The following PRKD2 variants were observed in gnomAD, a reference collection of about 807,000 sequenced individuals.
The protein encoded by PRKD2 is protein kinase D2.
A neutral mutation model predicts 86.0 loss-of-function variants in PRKD2; 22 were observed. The ratio of observed to expected loss-of-function variants is 0.26; its 90% CI spans 0.18 to 0.37. The LOEUF is 0.37. Among genes scored for constraint, PRKD2 ranks in the 10% least tolerant of loss-of-function variants. The pLI is 1.00. For synonymous variants in PRKD2, 509 were observed against 510.9 expected (o/e 1.00, Z 0.05); for missense variants, 818 against 1,199.2 (o/e 0.68, Z 4.70).
At chr19:46,697,354 C>A (rs182489556) in intron 8 of PRKD2, 120 bp from the exon 9 acceptor site, 2 of 720,830 alleles carry the variant, frequency 2.8e-6, no homozygotes, top group Non-Finnish European at 4.7e-6. Context: ...AACTCTAGCA[C>A]CTACCCCACG....
At chr19:46,715,036 A>T (rs1165788433) in intron 1 of PRKD2, among the ~76,000 whole-genome samples, 2 of 152,196 alleles carry the variant, frequency 1.3e-5, no homozygotes, top group African/African-American at 2.4e-5. Flanking sequence ...CAGGAGTCTG[A>T]AAAGATTCTG....
intron 12 of PRKD2, 71 bp from the exon 13 acceptor site, chr19:46,690,777 C>T (rs1300023851): frequency 4.0e-6 from 5 of 1,260,710 alleles, no homozygotes; most frequent in East Asian, 2.4e-5. Flanking sequence ...GTATCTCCAC[C>T]TCTGCCAACC....
intron 15 of PRKD2, among the ~76,000 whole-genome samples, chr19:46,680,563 A>C (rs2053282877): frequency 6.6e-6 from 1 of 152,144 alleles, no homozygotes; most frequent in Admixed American, 6.6e-5. Context: ...TGCTGGGATT[A>C]TAGGCATGAG....
intron 17 of PRKD2, 54 bp downstream of exon 17, chr19:46,674,979 C>T (rs1490186571): frequency 4.0e-6 from 6 of 1,493,188 alleles, no homozygotes; most frequent in African/African-American, 2.8e-5. Context: ...AAGCGATCTA[C>T]TCCCACCCCT....
In PRKD2 at chr19:46,678,701, G is replaced by T. The variant is rs760478401; in HGVS notation, c.2071-38C>A. 1 of 1,579,770 alleles carries T rather than the reference G, an allele frequency of 6.3e-7. No homozygotes were observed. Among genetic ancestry groups the T allele is most frequent in the Non-Finnish European group, 8.6e-7 (1 of 1,166,594 alleles). On this transcript the variant is annotated intron_variant, in intron 15 of 17. Transcript: ENST00000291281. This position sits in a 1 kb window ranked among gnomAD's most constrained non-coding sequence, Gnocchi z 5.7. ...AGGGATGGAGGCTCCACCAGGTGAT[G>T]GAGCCGCACCCACCCCAGCATCCCC...
intron 14 of PRKD2, among the ~76,000 whole-genome samples, chr19:46,684,808 C>G (rs1483895895): frequency 6.6e-6 from 1 of 151,602 alleles, no homozygotes; most frequent in African/African-American, 2.4e-5. Flanking sequence ...ACTAAAAATA[C>G]AAAAATCAGC....
Position 46,710,993 on chromosome 19 carries a change from G to A in PRKD2, c.425C>T (p.Thr142Met), listed in dbSNP as rs2053799540. Residue 142 changes from threonine to methionine, a missense_variant, in exon 3 of 18, where the codon ACG becomes ATG. Coordinates refer to ENST00000291281, the MANE Select transcript of PRKD2 (RefSeq NM_016457.5). ...GGCAGGCGCCCGATAGGAGTGCACC[G>A]TGAGGGCGTGCGGGCGGATCTGGAA... ...EDFQIRPHALTVHSYRAPAFC... is the reference protein window; with the variant it reads ...EDFQIRPHALMVHSYRAPAFC... 6.3e-7 allele frequency: 1 copy of A among 1,579,520 alleles called. No homozygotes were observed. Among genetic ancestry groups the A allele is most frequent in the East Asian group, 2.3e-5 (1 of 43,132 alleles).
intron 13 of PRKD2, 140 bp from the exon 14 acceptor site, chr19:46,689,838 C>T: frequency 1.0e-6 from 1 of 961,486 alleles, no homozygotes; most frequent in Admixed American, 2.3e-5. Context: ...AAGGGGGCTT[C>T]CCACAGGCCA....
chr19:46,713,804 C>G, intron 2 of PRKD2, 59 bp downstream of exon 2: 2 of 1,019,454 alleles, frequency 2.0e-6, no homozygotes, highest in African/African-American at 1.6e-5. Context: ...ACCCTCTCCT[C>G]CCCCAGATGC....
chr19:46,689,621 C>T lies in PRKD2; in HGVS notation c.1887G>A (p.Lys629=), dbSNP rs1197045972. The T allele has an allele frequency of 6.2e-7, 1 of 1,614,188 alleles. No individual in the cohort carries two copies. Among genetic ancestry groups the T allele is most frequent in the Admixed American group, 1.7e-5 (1 of 60,014 alleles). Residue 629 remains lysine (K), a synonymous_variant, in exon 14 of 18, where the codon AAG becomes AAA. Coordinates refer to ENST00000291281, the MANE Select transcript of PRKD2 (RefSeq NM_016457.5). ...TCATCTCCAACATGTCCCCATGCAG[C>T]TTCTCCATCACCACAAACACTTTCT... ...TPEKVFVVME[K]LHGDMLEMIL...
chr19:46,697,702 C>A, intron 8 of PRKD2, 31 bp downstream of exon 8: 1 of 1,584,178 alleles, frequency 6.3e-7, no homozygotes, highest in Non-Finnish European at 8.7e-7. Context: ...GCCTTCGCTC[C>A]GCCGTACCCG....
At chr19:46,699,784 G>C (rs2053610212) in intron 7 of PRKD2, among the ~76,000 whole-genome samples, 1 of 152,024 alleles carries the variant, frequency 6.6e-6, no homozygotes, top group South Asian at 2.1e-4. Flanking sequence ...TCCGTGTATA[G>C]TTTAAAAATG....
chr19:46,695,020 A>C (rs1184594885), intron 9 of PRKD2, among the ~76,000 whole-genome samples: 1 of 151,552 alleles, frequency 6.6e-6, no homozygotes, highest in African/African-American at 2.4e-5. Flanking sequence ...AGAGCAACAC[A>C]ATGAGACCCC....
intron 15 of PRKD2, among the ~76,000 whole-genome samples, chr19:46,679,842 C>T (rs1481158199): frequency 6.6e-6 from 1 of 152,098 alleles, no homozygotes; most frequent in Non-Finnish European, 1.5e-5. Flanking sequence ...CCAGGCTGGT[C>T]CCAAACTCCT....
At chr19:46,697,643 G>T in intron 8 of PRKD2, 90 bp downstream of exon 8, 1 of 1,244,106 alleles carries the variant, frequency 8.0e-7, no homozygotes, top group Non-Finnish European at 1.2e-6. Context: ...CCTAGCTCCA[G>T]CCCCACCCAC....
At chr19:46,679,907 G>C (rs1001904411) in intron 15 of PRKD2, among the ~76,000 whole-genome samples, 1 of 152,162 alleles carries the variant, frequency 6.6e-6, no homozygotes, top group Non-Finnish European at 1.5e-5. Context: ...TTACAGGCAT[G>C]AGACACCACA....
intron 5 of PRKD2, among the ~76,000 whole-genome samples, chr19:46,703,280 G>GT (rs2053659808): frequency 6.6e-6 from 1 of 152,148 alleles, no homozygotes; most frequent in African/African-American, 2.4e-5. Flanking sequence ...AGGTTCTACA[G>GT]TTTTAGAATT....
In PRKD2 at chr19:46,697,244, T is replaced by G. The variant is rs770427008; in HGVS notation, c.1240-10A>C. On this transcript the variant is annotated splice_polypyrimidine_tract_variant and intron_variant, in intron 8 of 17. Transcript: ENST00000291281. ...AATAGTGCCGCTTTCTCTGCAGAGA[T>G]GTTTGAAGAGTCACGTGAACCGCCA... is the stretch of plus-strand genomic sequence containing the variant. 4.4e-6 allele frequency: 7 copies of G among 1,573,372 alleles called. No homozygotes were observed. In the Admixed American group the frequency reaches 1.2e-4, roughly 26 times the overall value.
At position 46,690,726 on chromosome 19, in the gene PRKD2, G is replaced by C. The variant is rs771645225; in HGVS notation, c.1703-20C>G. 1.2e-6 allele frequency: 2 copies of C among 1,607,330 alleles called. No homozygotes were observed. Among genetic ancestry groups the C allele is most frequent in the Admixed American group, 3.3e-5 (2 of 59,974 alleles). On this transcript the variant is annotated intron_variant, in intron 12 of 17. Coordinates refer to ENST00000291281, the MANE Select transcript of PRKD2 (RefSeq NM_016457.5). ...GTTTTCCTGCACAGGGAGTAGAAGA[G>C]ATGGGGGATGAGAGAGCAAGACCAC... is the stretch of plus-strand genomic sequence containing the variant.
Sources: allele counts gnomAD v4.1 joint callset (sites outside exome capture counted in the v4.1 genomes callset), GRCh38; gene constraint gnomAD v4.1.1; non-coding constraint Gnocchi (gnomAD v3.1); transcripts MANE v1.5; gene names NCBI Gene and HGNC (gene_info 2026-07-23, HGNC 2026-07-21).